STRN: variants seen among roughly 807,000 people sequenced by gnomAD.
STRN encodes striatin.
In STRN, 53 loss-of-function variants were observed where a neutral mutation model predicts 96.3. The ratio of observed to expected loss-of-function variants is 0.55; its 90% CI spans 0.44 to 0.69. The LOEUF (loss-of-function observed/expected upper bound fraction) is 0.69. Among genes scored for constraint, STRN ranks in the 30% least tolerant of loss-of-function variants. The pLI is 0.00. For synonymous variants in STRN, 428 were observed against 355.9 expected, an observed-to-expected ratio of 1.20 and a Z score of -2.28; for missense variants, 987 against 963.9, an observed-to-expected ratio of 1.02 and a Z score of -0.32.
chr2:36,891,845 C>A (rs1669408426), intron 7 of STRN, among the ~76,000 whole-genome samples: 1 of 151,946 alleles, frequency 6.6e-6, no homozygotes, highest in African/African-American at 2.4e-5. Flanking sequence ...AATGACCAAG[C>A]AATCATGAAG....
intron 1 of STRN, among the ~76,000 whole-genome samples, chr2:36,950,060 G>C (rs1212605627): frequency 2.0e-5 from 3 of 151,890 alleles, no homozygotes; most frequent in African/African-American, 7.3e-5. Flanking sequence ...AGAGAGATGA[G>C]ACTAGTAAAA....
At position 36,845,642 on chromosome 2, in the gene STRN, G is replaced by A. The variant is rs1187178543; in HGVS notation, c.*3814C>T. On this transcript the variant is annotated 3_prime_UTR_variant, in exon 18 of 18. Transcript: ENST00000263918. The stretch of plus-strand genomic sequence containing the variant: ...TTACATTTACTTAGCCAACATTAAT[G>A]AGATCCCATAATTTTGGTGAACAAA... 1 of 152,084 alleles carries A rather than the reference G, an allele frequency of 6.6e-6. No individual in the cohort carries two copies. 9.4% of individuals were successfully genotyped at this position (152,084 alleles called of 1,614,324 possible).
At chr2:36,886,579 G>T in intron 8 of STRN, 137 bp downstream of exon 8, 1 of 622,568 alleles carries the variant, frequency 1.6e-6, no homozygotes, top group Non-Finnish European at 2.7e-6. Flanking sequence ...TTCAACCCCT[G>T]AGAGCAGGTG....
rs1668391833 is a variant in STRN, at chr2:36,858,042, A to G, written c.1670-19T>C. 3.9e-6 allele frequency: 6 copies of G among 1,535,994 alleles called. No homozygotes were observed. In the South Asian group the frequency reaches 7.4e-5, roughly 19 times the overall value. ...GAAGGATCTATACAAAACAGTAAAA[A>G]TGCAAAATCAGGAGAAAAACAACCA... On this transcript the variant is annotated intron_variant, in intron 13 of 17. Coordinates refer to ENST00000263918, the MANE Select transcript of STRN (RefSeq NM_003162.4).
At chr2:36,964,446 C>T (rs987835648) in intron 1 of STRN, among the ~76,000 whole-genome samples, 1 of 152,000 alleles carries the variant, frequency 6.6e-6, no homozygotes, top group Admixed American at 6.6e-5. Flanking sequence ...TTATAGAATG[C>T]GCTGCTAATA....
At chr2:36,907,525 G>T (rs528933845) in intron 3 of STRN, among the ~76,000 whole-genome samples, 6 of 151,952 alleles carry the variant, frequency 3.9e-5, no homozygotes, top group African/African-American at 1.4e-4. Flanking sequence ...TCCAGCGTGG[G>T]TGACAGAGCA....
At chr2:36,866,276 G>C (rs990970901) in intron 12 of STRN, among the ~76,000 whole-genome samples, 33 of 152,086 alleles carry the variant, frequency 2.2e-4, no homozygotes, top group African/African-American at 7.5e-4. Context: ...ATGCTGCCCA[G>C]GCTGGTCCAG....
intron 1 of STRN, among the ~76,000 whole-genome samples, chr2:36,928,650 TTAA>T (rs1670484379): frequency 8.1e-6 from 1 of 123,386 alleles, no homozygotes; most frequent in African/African-American, 3.2e-5. Context: ...AGACTCCATC[TTAA>T]AAAAAAAAAG....
At chr2:36,897,120 T>C (rs1354845306) in intron 6 of STRN, among the ~76,000 whole-genome samples, 1 of 151,676 alleles carries the variant, frequency 6.6e-6, no homozygotes, top group Non-Finnish European at 1.5e-5. Flanking sequence ...TCAGCTGAGA[T>C]TACACCACTG....
At chr2:36,960,692 A>G (rs1325297425) in intron 1 of STRN, among the ~76,000 whole-genome samples, 1 of 152,234 alleles carries the variant, frequency 6.6e-6, no homozygotes, top group East Asian at 1.9e-4. Flanking sequence ...GGCGTAAAAT[A>G]CAATAGTAAG....
chr2:36,888,768 C>A (rs974777167), intron 7 of STRN, among the ~76,000 whole-genome samples: 3 of 151,986 alleles, frequency 2.0e-5, no homozygotes, highest in Admixed American at 1.3e-4. Context: ...GCAGCCTTGA[C>A]CTCCTGGGCT....
At chr2:36,899,960 C>G (rs554806085) in intron 5 of STRN, among the ~76,000 whole-genome samples, 1 of 152,296 alleles carries the variant, frequency 6.6e-6, no homozygotes, top group Non-Finnish European at 1.5e-5. Flanking sequence ...CATGATCTAA[C>G]TCACTCCAGT....
At chr2:36,948,731 G>C (rs1268087945) in intron 1 of STRN, among the ~76,000 whole-genome samples, 1 of 152,084 alleles carries the variant, frequency 6.6e-6, no homozygotes, top group Non-Finnish European at 1.5e-5. Context: ...AACAGTACAA[G>C]GTAGCACACC....
chr2:36,965,338 C>T (rs1332866845), intron 1 of STRN, among the ~76,000 whole-genome samples: 1 of 152,182 alleles, frequency 6.6e-6, no homozygotes, highest in Non-Finnish European at 1.5e-5. Flanking sequence ...ACCTATTCAC[C>T]AATTCTGAAT....
chr2:36,945,805 G>C (rs1572693914), intron 1 of STRN, among the ~76,000 whole-genome samples: 2 of 152,064 alleles, frequency 1.3e-5, no homozygotes, highest in South Asian at 4.1e-4. Context: ...TATTATCTTA[G>C]ACGCAAAAAA....
chr2:36,898,037 T>C (rs1273588399), intron 6 of STRN, among the ~76,000 whole-genome samples: 2 of 152,162 alleles, frequency 1.3e-5, no homozygotes, highest in Non-Finnish European at 1.5e-5. Context: ...ATATTTATTA[T>C]GTTGTTTACT....
At position 36,857,996 on chromosome 2, in the gene STRN, A is replaced by G. The variant is rs528242368; in HGVS notation, c.1697T>C (p.Leu566Pro). Residue 566 changes from leucine (L) to proline (P), a missense_variant, in exon 14 of 18, where the codon CTA becomes CCA. Physicochemically the swap from Leu to Pro is moderately conservative, Grantham distance 98 (BLOSUM62 -3). Transcript: ENST00000263918. The stretch of plus-strand genomic sequence containing the variant: ...ACCCCAGACTGCATCCGTGTGGCCT[A>G]GCAGAGGGCCTCGTAAAACAGAAGG... ...YDPSVLRGPL[L>P]GHTDAVWGLA... The G allele has an allele frequency of 7.5e-6, 12 of 1,610,058 alleles. No individual in the cohort carries two copies. The African/African-American group carries it at 8.0e-5, about 11-fold the overall frequency.
Position 36,884,091 on chromosome 2 carries a change from G to T in STRN, c.1043-16C>A. 7.6e-7 allele frequency: 1 copy of T among 1,319,682 alleles called. No homozygotes were observed. Among genetic ancestry groups the T allele is most frequent in the Non-Finnish European group, 9.8e-7 (1 of 1,024,978 alleles). The allele number at this position is 1,319,682 out of a possible 1,614,324, so 81.7% of individuals were successfully genotyped here. ...CTATTGGGCCCTAGCCAAAAAAAGG[G>T]GGGGTGGGAGGAGATAAAAAAGAGA... On this transcript the variant is annotated splice_polypyrimidine_tract_variant and intron_variant, in intron 8 of 17. Coordinates refer to ENST00000263918, the MANE Select transcript of STRN (RefSeq NM_003162.4).
chr2:36,875,726 G>T (rs187449938), intron 10 of STRN, among the ~76,000 whole-genome samples: 1 of 149,088 alleles, frequency 6.7e-6, no homozygotes, highest in East Asian at 2.0e-4. Context: ...GCGCAATCTC[G>T]GCTCACTGCA....
Sources: gnomAD v4.1 joint callset for allele counts (sites outside exome capture counted in the v4.1 genomes callset) on GRCh38, gnomAD v4.1.1 for gene constraint, MANE v1.5 for transcripts, NCBI Gene and HGNC (gene_info 2026-07-23, HGNC 2026-07-21) for gene names.